CHRM3: variants seen among roughly 807,000 people sequenced by gnomAD.
The protein encoded by CHRM3 is cholinergic receptor muscarinic 3.
CHRM3 carries 11 observed loss-of-function variants against 41.8 expected under a neutral mutation model. The observed-to-expected ratio is 0.26, with a 90% CI of 0.17 to 0.44. CHRM3 has a LOEUF of 0.44. CHRM3 is among the 20% of genes least tolerant of loss of function. The pLI, the probability that CHRM3 is intolerant of heterozygous loss-of-function variation, is 1.00. For synonymous variants in CHRM3, 297 were observed against 301.4 expected (o/e 0.99, Z 0.15); for missense variants, 571 against 745.4 (o/e 0.77, Z 2.72).
At chr1:239,589,136 G>A (rs1663772870) in intron 3 of CHRM3, among the ~76,000 whole-genome samples, 1 of 152,006 alleles carries the variant, frequency 6.6e-6, no homozygotes, top group East Asian at 1.9e-4. Flanking sequence ...GTTTCACCAT[G>A]TTGGCCAAGC....
At position 239,487,019 on chromosome 1, in the gene CHRM3, T is replaced by G. The variant is rs1240419808; in HGVS notation, c.-520-5690T>G. On this transcript the variant is annotated intron_variant, in intron 1 of 6. Coordinates refer to ENST00000676153, the MANE Select transcript of CHRM3 (RefSeq NM_001375978.1). ...GCAATTCCAATTTCTAGATAGAACT[T>G]ATTGAGAGAAGCAATAAAAGCTGAT... Among the ~76,000 whole-genome samples, 7 of 152,228 alleles carry G rather than the reference T, an allele frequency of 4.6e-5. No homozygotes were observed. The East Asian group carries it at 1.3e-3, about 29-fold the overall frequency.
intron 3 of CHRM3, among the ~76,000 whole-genome samples, chr1:239,552,222 GTATAGATGATATGTATCATATA>G (rs1470032384): frequency 1.5e-5 from 1 of 65,440 alleles, no homozygotes; most frequent in East Asian, 9.2e-4. Flanking sequence ...TATTATATAT[GTATAGATGATATGTATCATATA>G]TATGTATAGA....
At chr1:239,768,799 C>T (rs1667428647) in intron 5 of CHRM3, among the ~76,000 whole-genome samples, 2 of 150,452 alleles carry the variant, frequency 1.3e-5, no homozygotes. Flanking sequence ...GAGTCTCTCT[C>T]AGTCACCCAG....
chr1:239,700,891 A>T (rs1343840296), intron 5 of CHRM3, among the ~76,000 whole-genome samples: 3 of 152,010 alleles, frequency 2.0e-5, no homozygotes, highest in Non-Finnish European at 4.4e-5. Flanking sequence ...AATGTGCCTG[A>T]TCTCATTTGA....
At chr1:239,875,323 A>T (rs2149344091) in intron 6 of CHRM3, among the ~76,000 whole-genome samples, 1 of 152,330 alleles carries the variant, frequency 6.6e-6, no homozygotes, top group Non-Finnish European at 1.5e-5. Context: ...AGGCTTTGCC[A>T]TCGCAAGGTC....
At chr1:239,827,488 A>T (rs915267198) in intron 6 of CHRM3, 110 bp downstream of exon 6, 7 of 152,152 alleles carry the variant, frequency 4.6e-5, no homozygotes, top group African/African-American at 1.7e-4. Flanking sequence ...CGTGACCTCA[A>T]TTAGGATATT....
chr1:239,753,885 A>T (rs892453539), intron 5 of CHRM3, among the ~76,000 whole-genome samples: 1 of 152,234 alleles, frequency 6.6e-6, no homozygotes, highest in Non-Finnish European at 1.5e-5. Context: ...AATTCAATAC[A>T]AGTAAACAGT....
chr1:239,610,641 C>G (rs1412505265), intron 3 of CHRM3, among the ~76,000 whole-genome samples: 2 of 152,192 alleles, frequency 1.3e-5, no homozygotes, highest in Admixed American at 1.3e-4. Context: ...GGAGGCACAG[C>G]AAGGAAAGAC....
intron 5 of CHRM3, chr1:239,704,275 G>A (rs1050738230): frequency 6.6e-6 from 1 of 152,136 alleles, no homozygotes; most frequent in African/African-American, 2.4e-5. Context: ...CCATTGAGAG[G>A]TGTGGAATAA....
chr1:239,593,060 C>T (rs1664362959), intron 3 of CHRM3, among the ~76,000 whole-genome samples: 1 of 152,054 alleles, frequency 6.6e-6, no homozygotes, highest in Non-Finnish European at 1.5e-5. Context: ...CCATGTCTAG[C>T]CCAGTTGCAA....
At chr1:239,814,222 T>TTC (rs922213547) in intron 5 of CHRM3, among the ~76,000 whole-genome samples, 3 of 152,138 alleles carry the variant, frequency 2.0e-5, no homozygotes, top group Non-Finnish European at 4.4e-5. Flanking sequence ...CTCTCTTTGT[T>TTC]TCTCTCTCTC....
At chr1:239,786,673 C>G (rs1003749497) in intron 5 of CHRM3, among the ~76,000 whole-genome samples, 1 of 152,178 alleles carries the variant, frequency 6.6e-6, no homozygotes, top group East Asian at 1.9e-4. Flanking sequence ...AGAGGAATGC[C>G]GCATCTCACA....
chr1:239,524,817 GC>G (rs1669888102), intron 2 of CHRM3, among the ~76,000 whole-genome samples: 1 of 152,028 alleles, frequency 6.6e-6, no homozygotes, highest in African/African-American at 2.4e-5. Context: ...GTTCCATCCT[GC>G]CACGGCTCTT....
intron 3 of CHRM3, among the ~76,000 whole-genome samples, chr1:239,607,349 A>T (rs1666452943): frequency 6.6e-6 from 1 of 152,162 alleles, no homozygotes; most frequent in Non-Finnish European, 1.5e-5. Flanking sequence ...AAAAAATGTT[A>T]TTCTTTTTTA....
At chr1:239,499,297 G>T (rs1017935960) in intron 2 of CHRM3, among the ~76,000 whole-genome samples, 3 of 152,090 alleles carry the variant, frequency 2.0e-5, no homozygotes, top group Non-Finnish European at 4.4e-5. Flanking sequence ...CAACAGGAGG[G>T]TCAGAACTGG....
intron 5 of CHRM3, among the ~76,000 whole-genome samples, chr1:239,759,904 T>A (rs1478746231): frequency 6.6e-6 from 1 of 152,068 alleles, no homozygotes; most frequent in Admixed American, 6.6e-5. Flanking sequence ...TTTCTTTATT[T>A]TTGTTATTTT....
chr1:239,464,960 G>T (rs1157419520), intron 1 of CHRM3, among the ~76,000 whole-genome samples: 1 of 151,952 alleles, frequency 6.6e-6, no homozygotes, highest in Non-Finnish European at 1.5e-5. Context: ...TATGCAGAAT[G>T]GATAAATAAA....
intron 4 of CHRM3, among the ~76,000 whole-genome samples, chr1:239,644,891 G>A (rs1037418244): frequency 9.2e-5 from 14 of 152,282 alleles, no homozygotes; most frequent in South Asian, 4.1e-4. Context: ...TTGGCCTGAC[G>A]TGAAGACAGA....
chr1:239,525,439 G>T, intron 2 of CHRM3, among the ~76,000 whole-genome samples: 1 of 140,976 alleles, frequency 7.1e-6, no homozygotes. Flanking sequence ...TAAATATTTT[G>T]GTTTTCTTTT....
Sources: gnomAD v4.1 joint callset for allele counts (sites outside exome capture counted in the v4.1 genomes callset) on GRCh38, gnomAD v4.1.1 for gene constraint, MANE v1.5 for transcripts, NCBI Gene and HGNC (gene_info 2026-07-23, HGNC 2026-07-21) for gene names.